The following MIB1 variants were observed in gnomAD, a reference collection of about 807,000 sequenced individuals.
MIB1 encodes the protein MIB E3 ubiquitin protein ligase 1, also known as E3 ubiquitin-protein ligase MIB1.
In MIB1, 278 loss-of-function variants were observed where a neutral mutation model predicts 124.5. That is an observed-to-expected ratio of 2.23 (90% confidence interval 2.02 to 2.47). The LOEUF (loss-of-function observed/expected upper bound fraction) is 2.47, where lower values mean the gene tolerates loss of function less well. Ranked by LOEUF, MIB1 falls within the 30% of genes most tolerant of loss-of-function variation. The probability of loss-of-function intolerance (pLI) is 0.00; values close to 1 mark genes in which losing one functional copy is unlikely to be tolerated. For missense variants in MIB1, 957 were observed against 1,254.4 expected (o/e 0.76, Z 3.58); for synonymous variants, 446 against 429.4 (o/e 1.04, Z -0.48).
At chr18:21,830,189 C>T (rs1344905293) in intron 12 of MIB1, among the ~76,000 whole-genome samples, 4 of 151,994 alleles carry the variant, frequency 2.6e-5, no homozygotes, top group Admixed American at 2.0e-4. Flanking sequence ...ACACCATGCA[C>T]GTTCTGATTT....
At chr18:21,778,714 T>C (rs1298162445) in intron 5 of MIB1, among the ~76,000 whole-genome samples, 1 of 152,204 alleles carries the variant, frequency 6.6e-6, no homozygotes, top group Non-Finnish European at 1.5e-5. Flanking sequence ...TTCTTTCTCA[T>C]GTGAACTGTG....
intron 6 of MIB1, among the ~76,000 whole-genome samples, chr18:21,783,328 C>T (rs1403854039): frequency 9.9e-5 from 15 of 151,776 alleles, no homozygotes; most frequent in Admixed American, 1.3e-4. Context: ...CTGCAACCTC[C>T]GCCTCCCGGG....
intron 12 of MIB1, chr18:21,830,682 A>G (rs150484408): frequency 1.3e-5 from 2 of 152,126 alleles, no homozygotes; most frequent in East Asian, 1.9e-4. Flanking sequence ...AGAGAATCAC[A>G]TCAACAGCAG....
intron 6 of MIB1, among the ~76,000 whole-genome samples, chr18:21,781,657 C>A (rs998672285): frequency 1.3e-5 from 2 of 151,622 alleles, no homozygotes; most frequent in Non-Finnish European, 2.9e-5. Flanking sequence ...TCAAGTGATC[C>A]GCCCACCTTG....
chr18:21,761,290 A>G (rs901412502), intron 1 of MIB1, among the ~76,000 whole-genome samples: 6 of 151,870 alleles, frequency 4.0e-5, no homozygotes, highest in Non-Finnish European at 5.9e-5. Flanking sequence ...GAACTGTCAT[A>G]ATTGTCTGGT....
intron 4 of MIB1, among the ~76,000 whole-genome samples, chr18:21,775,319 A>C (rs2041272022): frequency 6.6e-6 from 1 of 151,952 alleles, no homozygotes; most frequent in Admixed American, 6.6e-5. Flanking sequence ...AGTTCACTGA[A>C]GTCCTGAACT....
intron 12 of MIB1, chr18:21,828,213 G>A (rs1476418785): frequency 6.6e-6 from 1 of 151,772 alleles, no homozygotes; most frequent in Non-Finnish European, 1.5e-5. Flanking sequence ...TGCCCTCTTT[G>A]GAGAAAGCAA....
chr18:21,827,169 G>A (rs1257701653), intron 12 of MIB1: 3 of 152,094 alleles, frequency 2.0e-5, no homozygotes, highest in African/African-American at 7.2e-5. Context: ...TGAAATGTTT[G>A]AGTTATACCA....
chr18:21,787,268 G>T (rs183156513), intron 6 of MIB1, among the ~76,000 whole-genome samples: 1 of 152,078 alleles, frequency 6.6e-6, no homozygotes, highest in Non-Finnish European at 1.5e-5. Flanking sequence ...TTGGCTATGT[G>T]GGAAGTCTGG....
intron 17 of MIB1, among the ~76,000 whole-genome samples, chr18:21,851,470 C>G: frequency 6.6e-6 from 1 of 152,014 alleles, no homozygotes; most frequent in Non-Finnish European, 1.5e-5. Flanking sequence ...GATATACCCA[C>G]CCAACAGATT....
chr18:21,844,447 C>CTGTTGT lies in MIB1; in HGVS notation c.2211+208_2211+213dup, dbSNP rs565062524. ...CATTTTTACCAAAAGTTGTTCAGTT[C>CTGTTGT]TGTTGTTGTTGTTGTTGTTATGTGG... On this transcript the variant is annotated intron_variant, in intron 15 of 20. Coordinates refer to ENST00000261537, the MANE Select transcript of MIB1 (RefSeq NM_020774.4). 1.4e-4 allele frequency among the ~76,000 whole-genome samples: 22 copies of CTGTTGT among 152,016 alleles called. No individual in the cohort carries two copies. The East Asian group carries it at 4.1e-3, about 28-fold the overall frequency.
chr18:21,860,096 G>GTTTTTTTTT (rs1568230537), intron 20 of MIB1, among the ~76,000 whole-genome samples: 1 of 53,302 alleles, frequency 1.9e-5, no homozygotes, highest in African/African-American at 1.1e-4. Context: ...TGTTCTTTAT[G>GTTTTTTTTT]TCTTTTTTTT....
chr18:21,849,895 T>G (rs1305357391), intron 17 of MIB1, among the ~76,000 whole-genome samples: 1 of 152,146 alleles, frequency 6.6e-6, no homozygotes, highest in Non-Finnish European at 1.5e-5. Context: ...ATCGTGGTGT[T>G]GTTTAACTTG....
intron 17 of MIB1, 85 bp downstream of exon 17, chr18:21,849,473 G>C (rs140627367): frequency 4.1e-6 from 3 of 740,450 alleles, no homozygotes; most frequent in Non-Finnish European, 6.0e-6. Flanking sequence ...GACATCATGC[G>C]TCTGTGTAAT....
intron 12 of MIB1, chr18:21,825,741 A>C (rs553813003): frequency 5.6e-6 from 3 of 531,400 alleles, no homozygotes; most frequent in Admixed American, 3.9e-5. Flanking sequence ...AAATCCATTG[A>C]AGAGGCGATT....
At chr18:21,705,440 A>T (rs1346236339) in intron 1 of MIB1, among the ~76,000 whole-genome samples, 1 of 152,228 alleles carries the variant, frequency 6.6e-6, no homozygotes, top group Admixed American at 6.5e-5. Context: ...ACTTATGGAA[A>T]TTCACACCGA....
intron 1 of MIB1, among the ~76,000 whole-genome samples, chr18:21,762,776 A>G (rs1459150853): frequency 2.0e-5 from 3 of 152,310 alleles, no homozygotes; most frequent in South Asian, 2.1e-4. Context: ...TATAATTGCT[A>G]TTTAGAAGTT....
chr18:21,725,364 T>C (rs2040736989), intron 1 of MIB1, among the ~76,000 whole-genome samples: 2 of 151,906 alleles, frequency 1.3e-5, no homozygotes, highest in Admixed American at 1.3e-4. Context: ...GCCTGTGGAG[T>C]CCTAGTGAAG....
At chr18:21,794,747 C>G (rs1235132524) in intron 7 of MIB1, among the ~76,000 whole-genome samples, 1 of 151,950 alleles carries the variant, frequency 6.6e-6, no homozygotes, top group Non-Finnish European at 1.5e-5. Flanking sequence ...AATTATTTTG[C>G]TGTTAAGAAA....
Sources: gnomAD v4.1 joint callset for allele counts (sites outside exome capture counted in the v4.1 genomes callset) on GRCh38, gnomAD v4.1.1 for gene constraint, MANE v1.5 for transcripts, NCBI Gene and HGNC (gene_info 2026-07-23, HGNC 2026-07-21) for gene names.